Variants in EPC1 observed in about 807,000 individuals in gnomAD.
The protein encoded by EPC1 is enhancer of polycomb homolog 1.
In EPC1, 12 loss-of-function variants were observed where a neutral mutation model predicts 98.4. That is an observed-to-expected ratio of 0.12 (90% confidence interval 0.08 to 0.20). The LOEUF is 0.20. EPC1 is among the 10% of genes least tolerant of loss of function. EPC1 has a pLI of 1.00. For synonymous variants in EPC1, 357 were observed against 363.9 expected, an observed-to-expected ratio of 0.98 and a Z score of 0.21; for missense variants, 729 against 990.5, an observed-to-expected ratio of 0.74 and a Z score of 3.54.
chr10:32,329,039 G>A (rs1050841784), intron 1 of EPC1, among the ~76,000 whole-genome samples: 2 of 152,202 alleles, frequency 1.3e-5, no homozygotes, highest in African/African-American at 4.8e-5. Context: ...GAGAAGAAGG[G>A]TAAGCCAAAC....
At chr10:32,309,066 A>T (rs1171416466) in intron 1 of EPC1, among the ~76,000 whole-genome samples, 1 of 152,202 alleles carries the variant, frequency 6.6e-6, no homozygotes. Context: ...CTCGCTCATT[A>T]TGTGGGAGCT....
chr10:32,335,270 C>T (rs1837887547), intron 1 of EPC1, among the ~76,000 whole-genome samples: 1 of 152,154 alleles, frequency 6.6e-6, no homozygotes, highest in South Asian at 2.1e-4. Flanking sequence ...CCCTGGCTCT[C>T]ATCACCATTC....
At position 32,326,192 on chromosome 10, in the gene EPC1, G is replaced by T. The variant is rs542189926; in HGVS notation, c.154-20261C>A. On this transcript the variant is annotated intron_variant, in intron 1 of 13. Coordinates refer to ENST00000319778, the MANE Select transcript of EPC1 (RefSeq NM_001272004.3). ...ATACACAAAAACGAATACTGAAAGG[G>T]TTAAGTCTTTAGAGTTGTTCATCAA... Among the ~76,000 whole-genome samples the T allele has an allele frequency of 9.1e-4, 138 of 152,254 alleles. 1 individual carries two copies. Among genetic ancestry groups the T allele is most frequent in the African/African-American group, 3.3e-3 (135 of 41,532 alleles).
Position 32,360,685 on chromosome 10 carries a change from G to A in EPC1, c.3+17806C>T, listed in dbSNP as rs530333447. Among the ~76,000 whole-genome samples the A allele has an allele frequency of 1.2e-3, 176 of 152,296 alleles. 2 individuals are homozygous for A. In the Middle Eastern group the frequency reaches 0.014, roughly 12 times the overall value. ...AAGGTGGGTGGATCACCTGAGGCCG[G>A]AAGTTCGAGACCAGCTTGGCTAACA... On this transcript the variant is annotated intron_variant, in intron 1 of 13. Transcript: ENST00000375110.
upstream of EPC1, among the ~76,000 whole-genome samples, chr10:32,351,051 A>T (rs1354030316): frequency 2.0e-5 from 3 of 152,190 alleles, no homozygotes; most frequent in Non-Finnish European, 4.4e-5. Context: ...CTTTATAGGA[A>T]ACTGTGCTGG....
chr10:32,337,875 C>T (rs964788747), intron 1 of EPC1, among the ~76,000 whole-genome samples: 1 of 152,176 alleles, frequency 6.6e-6, no homozygotes, highest in Non-Finnish European at 1.5e-5. Context: ...AATTAAATTA[C>T]TTTCCCATAC....
At chr10:32,277,866 G>A (rs1468006023) in intron 10 of EPC1, among the ~76,000 whole-genome samples, 1 of 151,372 alleles carries the variant, frequency 6.6e-6, no homozygotes, top group African/African-American at 2.4e-5. Flanking sequence ...CACTGCGCCC[G>A]GCCTAAGACT....
At chr10:32,327,898 T>G (rs1230664439) in intron 1 of EPC1, among the ~76,000 whole-genome samples, 2 of 152,210 alleles carry the variant, frequency 1.3e-5, no homozygotes, top group Non-Finnish European at 2.9e-5. Context: ...AACATAAATG[T>G]ATGTATGATC....
intron 10 of EPC1, among the ~76,000 whole-genome samples, chr10:32,277,382 G>A (rs1043292311): frequency 1.3e-5 from 2 of 152,166 alleles, no homozygotes; most frequent in African/African-American, 4.8e-5. Flanking sequence ...GCAAACCAGG[G>A]ACCTGCAGGT....
chr10:32,278,762 G>A (rs1177766104), intron 10 of EPC1, among the ~76,000 whole-genome samples: 1 of 152,110 alleles, frequency 6.6e-6, no homozygotes, highest in Non-Finnish European at 1.5e-5. Flanking sequence ...ATTAAAGTAT[G>A]ATCTCCTAAT....
chr10:32,305,289 C>T (rs372597026), intron 2 of EPC1, among the ~76,000 whole-genome samples: 8 of 152,350 alleles, frequency 5.3e-5, no homozygotes, highest in South Asian at 2.1e-4. Context: ...TACAACACAG[C>T]GACATTCATT....
chr10:32,324,110 G>T (rs936349104), intron 1 of EPC1, among the ~76,000 whole-genome samples: 2 of 151,220 alleles, frequency 1.3e-5, no homozygotes, highest in African/African-American at 4.8e-5. Context: ...TAATTTTTTT[G>T]TATTTTTTAG....
At chr10:32,342,857 A>G (rs76998371) in intron 1 of EPC1, among the ~76,000 whole-genome samples, 22,879 of 152,192 alleles carry the variant, frequency 0.15, 2,037 homozygotes, top group South Asian at 0.33. Context: ...TCCATAAAGG[A>G]GAATTGTTAA....
chr10:32,345,696 G>C (rs1160353099), intron 1 of EPC1: 2 of 904,184 alleles, frequency 2.2e-6, no homozygotes, highest in Admixed American at 6.2e-5. Flanking sequence ...TAAAGCCACA[G>C]CGATGGTAAA....
intron 1 of EPC1, among the ~76,000 whole-genome samples, chr10:32,330,232 A>G (rs1276660739): frequency 1.3e-5 from 2 of 152,218 alleles, no homozygotes; most frequent in Non-Finnish European, 2.9e-5. Context: ...GAAGCTACTT[A>G]AATTTAGGCA....
At chr10:32,332,473 T>A (rs1837696804) in intron 1 of EPC1, among the ~76,000 whole-genome samples, 1 of 152,238 alleles carries the variant, frequency 6.6e-6, no homozygotes, top group South Asian at 2.1e-4. Context: ...GAAGTGATAG[T>A]ACGTCACTTC....
chr10:32,296,246 T>C (rs1835152948), intron 2 of EPC1, among the ~76,000 whole-genome samples: 1 of 152,150 alleles, frequency 6.6e-6, no homozygotes, highest in Non-Finnish European at 1.5e-5. Context: ...ATGTTCTGCT[T>C]CTTAAGGTTA....
intron 9 of EPC1, chr10:32,286,436 C>G (rs1434203742): frequency 2.1e-6 from 1 of 474,386 alleles, no homozygotes; most frequent in Non-Finnish European, 3.7e-6. Context: ...ACAATTCTAC[C>G]CCTTGATAAT....
At chr10:32,334,456 T>TA (rs55976619) in intron 1 of EPC1, among the ~76,000 whole-genome samples, 8,674 of 146,220 alleles carry the variant, frequency 0.059, 831 homozygotes, top group African/African-American at 0.21. Flanking sequence ...ATATAACAGC[T>TA]AAAAAAAAAA....
Sources: gnomAD v4.1 joint callset for allele counts (sites outside exome capture counted in the v4.1 genomes callset) on GRCh38, gnomAD v4.1.1 for gene constraint, MANE v1.5 for transcripts, NCBI Gene and HGNC (gene_info 2026-07-23, HGNC 2026-07-21) for gene names.